GABRG3: variants seen among roughly 807,000 people sequenced by gnomAD.
The protein encoded by GABRG3 is gamma-aminobutyric acid receptor subunit gamma-3.
GABRG3 carries 25 observed loss-of-function variants against 48.8 expected under a neutral mutation model. The observed-to-expected ratio is 0.51, with a 90% CI of 0.37 to 0.72. GABRG3 has a LOEUF of 0.72. GABRG3 is among the 30% of genes least tolerant of loss of function. GABRG3 has a pLI of 0.00. For synonymous variants in GABRG3, 227 were observed against 217.6 expected, an observed-to-expected ratio of 1.04 and a Z score of -0.38; for missense variants, 394 against 577.9, an observed-to-expected ratio of 0.68 and a Z score of 3.26.
At chr15:27,334,043 T>C (rs976030303) in intron 5 of GABRG3, among the ~76,000 whole-genome samples, 1 of 152,258 alleles carries the variant, frequency 6.6e-6, no homozygotes, top group African/African-American at 2.4e-5. Flanking sequence ...GATTGGTTAA[T>C]ATATATTAGT....
At chr15:27,518,195 C>CAAAAAAAAAAAAAAAAAAAAAAAAAA (rs58222645) in intron 6 of GABRG3, among the ~76,000 whole-genome samples, 5 of 88,028 alleles carry the variant, frequency 5.7e-5, no homozygotes, top group African/African-American at 1.7e-4. Flanking sequence ...ACTAAAAATA[C>CAAAAAAAAAAAAAAAAAAAAAAAAAA]AAAAAAAAAA....
Position 27,021,186 on chromosome 15 carries a change from TA to T in GABRG3, c.203-5560del, listed in dbSNP as rs997270404. ...AATATGTACATCTGTTATGTATCAA[TA>T]AAAAAAATTAAAAGAGAAAAGAACA... is the stretch of plus-strand genomic sequence containing the variant. On this transcript the variant is annotated intron_variant, in intron 2 of 9. Coordinates refer to ENST00000615808, the MANE Select transcript of GABRG3 (RefSeq NM_033223.5). Among the ~76,000 whole-genome samples, 17 of 152,026 alleles carry T rather than the reference TA, an allele frequency of 1.1e-4. No individual in the cohort carries two copies. The South Asian group carries it at 1.2e-3, about 11-fold the overall frequency.
rs558188065 is a variant in GABRG3, at chr15:27,480,780, G to A, written c.705G>A (p.Thr235=). 1.4e-5 allele frequency: 23 copies of A among 1,613,684 alleles called. No homozygotes were observed. Among genetic ancestry groups the A allele is most frequent in the South Asian group, 1.1e-4 (10 of 90,962 alleles). ...GAAACACCACAGAAATCGTGACAACGTCTGCAGGTAGGAATTTACTGAAAG... is the reference window on the plus strand; with the variant it reads ...GAAACACCACAGAAATCGTGACAACATCTGCAGGTAGGAATTTACTGAAAG... ...GLRNTTEIVT[T]SAGDYVVMTI... is the part of the protein sequence containing the mutation. Residue 235 remains threonine (T), a synonymous_variant, in exon 6 of 10, where the codon ACG becomes ACA. Transcript: ENST00000615808.
At chr15:27,107,897 G>C (rs1431614374) in intron 3 of GABRG3, among the ~76,000 whole-genome samples, 1 of 150,802 alleles carries the variant, frequency 6.6e-6, no homozygotes, top group Non-Finnish European at 1.5e-5. Context: ...AATGTTCATG[G>C]GTGATTAGTA....
intron 3 of GABRG3, among the ~76,000 whole-genome samples, chr15:27,255,068 A>C (rs948418022): frequency 7.2e-5 from 11 of 152,154 alleles, no homozygotes; most frequent in African/African-American, 2.7e-4. Context: ...AGCCCCTGCA[A>C]AGATCCTGGC....
At chr15:27,360,368 G>A (rs1055006670) in intron 5 of GABRG3, among the ~76,000 whole-genome samples, 3 of 152,118 alleles carry the variant, frequency 2.0e-5, no homozygotes, top group Non-Finnish European at 4.4e-5. Flanking sequence ...GAGATCTCCT[G>A]GGCAAAGATA....
chr15:27,178,311 C>T (rs1887812698), intron 3 of GABRG3, among the ~76,000 whole-genome samples: 1 of 152,204 alleles, frequency 6.6e-6, no homozygotes, highest in Non-Finnish European at 1.5e-5. Context: ...TGGGATGCTC[C>T]TTAACAACTG....
In GABRG3 at chr15:27,438,132, G is replaced by A. The variant is rs1186669690; in HGVS notation, c.575-42518G>A. ...AAGCTCCAGGGATCCAAGATGGGCT[G>A]CTGAAGGAGACAGTCTTCCTGCATG... On this transcript the variant is annotated intron_variant, in intron 5 of 9. Transcript: ENST00000615808. Among the ~76,000 whole-genome samples the A allele has an allele frequency of 2.0e-5, 3 of 152,178 alleles. No individual in the cohort carries two copies. The East Asian group carries it at 5.8e-4, about 29-fold the overall frequency.
chr15:27,062,843 G>T (rs1481693104), intron 3 of GABRG3, among the ~76,000 whole-genome samples: 1 of 152,152 alleles, frequency 6.6e-6, no homozygotes, highest in Admixed American at 6.5e-5. Flanking sequence ...AAAAGATAAA[G>T]TAAATCCTAA....
intron 3 of GABRG3, among the ~76,000 whole-genome samples, chr15:27,189,955 A>G (rs757706363): frequency 6.6e-6 from 1 of 152,152 alleles, no homozygotes; most frequent in Non-Finnish European, 1.5e-5. Context: ...AATTTTATCA[A>G]AGGCCTTTTC....
At chr15:27,078,722 T>C (rs185126731) in intron 3 of GABRG3, among the ~76,000 whole-genome samples, 108 of 152,340 alleles carry the variant, frequency 7.1e-4, no homozygotes, top group African/African-American at 2.4e-3. Context: ...GAGACCATGC[T>C]TGAAGTGTCT....
chr15:27,501,142 A>G (rs187453635), intron 6 of GABRG3, among the ~76,000 whole-genome samples: 7,232 of 152,038 alleles, frequency 0.048, 257 homozygotes, highest in Admixed American at 0.097. Context: ...TAGTAGAGAC[A>G]GGGTTTCACC....
chr15:27,330,766 A>T (rs1439991478), intron 5 of GABRG3, among the ~76,000 whole-genome samples: 2 of 152,250 alleles, frequency 1.3e-5, no homozygotes, highest in East Asian at 3.8e-4. Context: ...GTTGGCAATG[A>T]GCATAAAGTA....
chr15:27,141,181 C>G (rs1898096311), intron 3 of GABRG3, among the ~76,000 whole-genome samples: 1 of 152,170 alleles, frequency 6.6e-6, no homozygotes, highest in African/African-American at 2.4e-5. Flanking sequence ...AGCCCTAGTT[C>G]ACTGAGAAGC....
intron 5 of GABRG3, among the ~76,000 whole-genome samples, chr15:27,451,072 G>A (rs1473480363): frequency 6.6e-6 from 1 of 152,090 alleles, no homozygotes; most frequent in Non-Finnish European, 1.5e-5. Context: ...TTCATGGATT[G>A]GAAGCATTAA....
At chr15:27,001,888 G>GTTTTTTTTTTTTTTTTTTTTTTTTTTTTT (rs60516105) in intron 2 of GABRG3, among the ~76,000 whole-genome samples, 5 of 121,226 alleles carry the variant, frequency 4.1e-5, no homozygotes, top group African/African-American at 9.5e-5. Flanking sequence ...CCATAACTCA[G>GTTTTTTTTTTTTTTTTTTTTTTTTTTTTT]TTTTTTTTTT....
Position 27,362,127 on chromosome 15 carries a change from C to T in GABRG3, c.574+33239C>T, listed in dbSNP as rs373303773. On this transcript the variant is annotated intron_variant, in intron 5 of 9. Coordinates refer to ENST00000615808, the MANE Select transcript of GABRG3 (RefSeq NM_033223.5). ...TTGTTCGCATGAATTTCTTGCTAGACTGGATGTTCTCCCAAGCTATTGAAT... is the reference window on the plus strand; with the variant it reads ...TTGTTCGCATGAATTTCTTGCTAGATTGGATGTTCTCCCAAGCTATTGAAT... Among the ~76,000 whole-genome samples, 3 of 152,176 alleles carry T rather than the reference C, an allele frequency of 2.0e-5. No homozygotes were observed. The South Asian group carries it at 6.2e-4, about 32-fold the overall frequency.
rs975786462 is a variant in GABRG3 at position 27,459,802 on chromosome 15, T to C, written c.575-20848T>C. Among the ~76,000 whole-genome samples, 27 of 152,352 alleles carry C rather than the reference T, an allele frequency of 1.8e-4. No homozygotes were observed. In the East Asian group the frequency reaches 3.9e-3, roughly 22 times the overall value. On this transcript the variant is annotated intron_variant, in intron 5 of 9. Transcript: ENST00000615808. ...TAAAATTAAATACCTCAGACTGATA[T>C]ACATTTCCTTTTGGTTCAATTTTCA... is the stretch of plus-strand genomic sequence containing the variant.
intron 5 of GABRG3, among the ~76,000 whole-genome samples, chr15:27,390,933 A>G (rs1191336682): frequency 2.0e-5 from 3 of 152,144 alleles, no homozygotes; most frequent in Non-Finnish European, 2.9e-5. Flanking sequence ...TACTAAAAAT[A>G]CAAAAATTAG....
Sources: allele counts gnomAD v4.1 joint callset (sites outside exome capture counted in the v4.1 genomes callset), GRCh38; gene constraint gnomAD v4.1.1; transcripts MANE v1.5; gene names NCBI Gene and HGNC (gene_info 2026-07-23, HGNC 2026-07-21).